The following NYAP2 variants were observed in gnomAD, a reference collection of about 807,000 sequenced individuals.
NYAP2 encodes neuronal tyrosine-phosphorylated phosphoinositide-3-kinase adaptor 2.
Under a neutral mutation model 50.4 loss-of-function variants are expected in NYAP2, and 23 were observed. The observed-to-expected ratio is 0.46, with a 90% confidence interval of 0.33 to 0.65. The LOEUF is 0.65. Ranked by LOEUF, NYAP2 falls within the 30% of genes least tolerant of loss-of-function variation. The probability of loss-of-function intolerance (pLI) is 0.02; values close to 1 mark genes in which losing one functional copy is unlikely to be tolerated. For synonymous variants in NYAP2, 394 were observed against 365.2 expected (o/e 1.08, Z -0.90); for missense variants, 885 against 861.0 (o/e 1.03, Z -0.35).
chr2:225,401,389 G>A (rs1447074413), intron 2 of NYAP2, among the ~76,000 whole-genome samples: 2 of 151,946 alleles, frequency 1.3e-5, no homozygotes. Context: ...CTATTTATCC[G>A]CTATTCCATA....
intron 3 of NYAP2, among the ~76,000 whole-genome samples, chr2:225,502,304 C>T (rs1690620956): frequency 6.6e-6 from 1 of 152,160 alleles, no homozygotes; most frequent in Non-Finnish European, 1.5e-5. Flanking sequence ...CTGGTTCCAA[C>T]AGGGACAAAA....
At chr2:225,621,896 A>G (rs1439904728) in intron 5 of NYAP2, among the ~76,000 whole-genome samples, 2 of 152,114 alleles carry the variant, frequency 1.3e-5, no homozygotes, top group African/African-American at 4.8e-5. Flanking sequence ...GTAAGGCTGA[A>G]TAATACCCCA....
intron 5 of NYAP2, among the ~76,000 whole-genome samples, chr2:225,590,479 A>G (rs1692480153): frequency 6.6e-6 from 1 of 152,198 alleles, no homozygotes; most frequent in South Asian, 2.1e-4. Flanking sequence ...GACCTATTTA[A>G]TGAGAAACTT....
intron 5 of NYAP2, among the ~76,000 whole-genome samples, chr2:225,622,521 CTTT>C (rs1693126185): frequency 5.8e-5 from 2 of 34,672 alleles, no homozygotes; most frequent in Admixed American, 1.1e-3. Context: ...TTTCTTTCTT[CTTT>C]CTTTCTTTCT....
intron 3 of NYAP2, among the ~76,000 whole-genome samples, chr2:225,458,859 T>G (rs938616307): frequency 6.6e-6 from 1 of 152,258 alleles, no homozygotes; most frequent in African/African-American, 2.4e-5. Context: ...TAGTAAAATT[T>G]AAATCCATTT....
the NYAP2 span, among the ~76,000 whole-genome samples, chr2:225,667,150 C>T: frequency 6.6e-6 from 1 of 152,106 alleles, no homozygotes; most frequent in African/African-American, 2.4e-5. Flanking sequence ...CTGTATTCAG[C>T]CAACAAATTC....
chr2:225,697,792 G>A, the NYAP2 span, among the ~76,000 whole-genome samples: 27 of 151,722 alleles, frequency 1.8e-4, no homozygotes, highest in Non-Finnish European at 1.0e-4. Context: ...GTTAAATATC[G>A]CGATGTTTAC....
intron 5 of NYAP2, among the ~76,000 whole-genome samples, chr2:225,600,080 C>T (rs191860685): frequency 1.8e-3 from 275 of 152,226 alleles, no homozygotes; most frequent in Non-Finnish European, 2.5e-3. Flanking sequence ...TTTATTATTA[C>T]TCAGATCAGT....
At chr2:225,409,759 T>C (rs1695002848) in intron 3 of NYAP2, among the ~76,000 whole-genome samples, 1 of 152,068 alleles carries the variant, frequency 6.6e-6, no homozygotes, top group Admixed American at 6.6e-5. Flanking sequence ...AAAAGAAGAA[T>C]GCATATCTTT....
chr2:225,422,531 CA>C (rs1330361022), intron 3 of NYAP2, among the ~76,000 whole-genome samples: 1 of 151,464 alleles, frequency 6.6e-6, no homozygotes, highest in Non-Finnish European at 1.5e-5. Context: ...CCAGCAACAG[CA>C]AAAAAGGACA....
rs141444887 is a variant in NYAP2 at position 225,494,340 on chromosome 2, G to A, written c.222-19031G>A. On this transcript the variant is annotated intron_variant, in intron 3 of 6. Coordinates refer to ENST00000636099, the Ensembl canonical transcript of NYAP2. The stretch of plus-strand genomic sequence containing the variant: ...CCTTGATACCTCTGCAGGGAAATGG[G>A]AAGTATTACTTTGCTTGACTTTGAA... Among the ~76,000 whole-genome samples the A allele has an allele frequency of 2.6e-5, 4 of 152,300 alleles. No individual in the cohort carries two copies. The East Asian group carries it at 7.7e-4, about 29-fold the overall frequency.
chr2:225,409,445 C>T (rs60974951), intron 3 of NYAP2, among the ~76,000 whole-genome samples: 1 of 151,992 alleles, frequency 6.6e-6, no homozygotes, highest in African/African-American at 2.4e-5. Flanking sequence ...TGATGAAAAT[C>T]CCTACCTTTA....
chr2:225,537,211 A>C (rs1375062526), intron 4 of NYAP2, among the ~76,000 whole-genome samples: 1 of 152,178 alleles, frequency 6.6e-6, no homozygotes, highest in African/African-American at 2.4e-5. Context: ...TCCCACAAAT[A>C]AGTGAGATCA....
rs762379916 is a variant in NYAP2, at chr2:225,523,447, C to T, written c.523+9775C>T. ...TATGTATATATATCTAGCTGAGGACCAATTCAAAAAGTCAATCCCATTTAT... is the reference window on the plus strand; with the variant it reads ...TATGTATATATATCTAGCTGAGGACTAATTCAAAAAGTCAATCCCATTTAT... On this transcript the variant is annotated intron_variant, in intron 4 of 6. Coordinates refer to ENST00000636099, the Ensembl canonical transcript of NYAP2. 6.9e-4 allele frequency among the ~76,000 whole-genome samples: 104 copies of T among 151,662 alleles called. 1 individual carries two copies. The highest frequency in any genetic ancestry group is 5.3e-4 in the Non-Finnish European group (36 of 67,926).
chr2:225,580,280 T>G (rs6711137), intron 4 of NYAP2, among the ~76,000 whole-genome samples: 83,774 of 152,070 alleles, frequency 0.55, 25,746 homozygotes, highest in South Asian at 0.71. Context: ...CTTACTAAAA[T>G]TATATGAAAA....
chr2:225,649,248 C>G (rs1486027224), intron 6 of NYAP2, among the ~76,000 whole-genome samples: 1 of 152,154 alleles, frequency 6.6e-6, no homozygotes, highest in African/African-American at 2.4e-5. Flanking sequence ...AACCTGGAAA[C>G]CAGGATATTT....
chr2:225,573,250 CTTTTT>C (rs59186607), intron 4 of NYAP2, among the ~76,000 whole-genome samples: 2 of 126,732 alleles, frequency 1.6e-5, no homozygotes, highest in African/African-American at 3.0e-5. Flanking sequence ...ATTATTATTT[CTTTTT>C]TTTTTTTTTT....
chr2:225,455,655 T>G (rs1689727920), intron 3 of NYAP2, among the ~76,000 whole-genome samples: 1 of 152,222 alleles, frequency 6.6e-6, no homozygotes, highest in African/African-American at 2.4e-5. Context: ...TTTGTTATTT[T>G]TATACTTTCA....
intron 3 of NYAP2, among the ~76,000 whole-genome samples, chr2:225,492,160 C>G (rs1690419808): frequency 6.6e-6 from 1 of 152,176 alleles, no homozygotes; most frequent in Admixed American, 6.5e-5. Context: ...GAGCAAATGC[C>G]CATGTGTCCT....
Sources: allele counts gnomAD v4.1 joint callset (sites outside exome capture counted in the v4.1 genomes callset), GRCh38; gene constraint gnomAD v4.1.1; transcripts MANE v1.5; gene names NCBI Gene and HGNC (gene_info 2026-07-23, HGNC 2026-07-21).